Variants in MYO10 observed in about 807,000 individuals in gnomAD.
MYO10 encodes the protein myosin X.
Under a neutral mutation model 257.3 loss-of-function variants are expected in MYO10, and 133 were observed. That is an observed-to-expected ratio of 0.52 (90% CI 0.45 to 0.60). The LOEUF (loss-of-function observed/expected upper bound fraction) is 0.60, where lower values mean the gene tolerates loss of function less well. Among genes scored for constraint, MYO10 ranks in the 20% least tolerant of loss-of-function variants. MYO10 has a pLI of 0.00. For synonymous variants in MYO10, 1,104 were observed against 1,028.6 expected (o/e 1.07, Z -1.40); for missense variants, 2,399 against 2,635.7 (o/e 0.91, Z 1.97).
chr5:16,763,876 G>A (rs1226318075), intron 12 of MYO10, 121 bp from the exon 13 acceptor site: 4 of 708,188 alleles, frequency 5.6e-6, no homozygotes, highest in Non-Finnish European at 7.2e-6. Flanking sequence ...CTGGCACAGT[G>A]GCTCACACCT....
At chr5:16,752,439 C>T (rs950783270) in intron 19 of MYO10, among the ~76,000 whole-genome samples, 2 of 152,238 alleles carry the variant, frequency 1.3e-5, no homozygotes, top group South Asian at 2.1e-4. Flanking sequence ...TGTGCCACCA[C>T]GCCTGGCTAA....
intron 1 of MYO10, among the ~76,000 whole-genome samples, chr5:16,915,582 G>C (rs1032143033): frequency 3.3e-5 from 5 of 152,174 alleles, no homozygotes; most frequent in African/African-American, 1.2e-4. Context: ...GCCAATCAGA[G>C]GTCAAGTGGC....
chr5:16,665,228 A>G lies in MYO10; in HGVS notation c.*1464T>C, dbSNP rs1025668687. On this transcript the variant is annotated 3_prime_UTR_variant, in exon 41 of 41. Transcript: ENST00000513610. ...TAAAGAAAAAAAAAAAAAACCACCA[A>G]AAAGCCAAAACAAAAATAAGCCTCC... 6.6e-6 allele frequency: 1 copy of G among 151,608 alleles called. No homozygotes were observed. The highest frequency in any genetic ancestry group is 2.4e-5 in the African/African-American group (1 of 41,350). The allele number at this position is 151,608 out of a possible 1,614,324, so 9.4% of individuals were successfully genotyped here.
Position 16,766,261 on chromosome 5 carries a change from G to A in MYO10, c.1061-63C>T, listed in dbSNP as rs58427579. 1.5e-3 allele frequency: 1,909 copies of A among 1,262,812 alleles called. 31 individuals carry two copies. The African/African-American group carries it at 0.025, about 17-fold the overall frequency. The allele number at this position is 1,262,812 out of a possible 1,614,324, so 78.2% of individuals were successfully genotyped here. A position where few individuals can be genotyped will look rare whatever the true frequency, so the allele number is the denominator to read the frequency against. Reference sequence around the variant, plus strand: ...CCCCAAGAAGCTAACCAGGCTTAGCGATACCTTAACGCAGAGAACACACCT... The same window carrying A: ...CCCCAAGAAGCTAACCAGGCTTAGCAATACCTTAACGCAGAGAACACACCT... On this transcript the variant is annotated intron_variant, in intron 10 of 40. Transcript: ENST00000513610.
At chr5:16,832,119 G>T (rs974578459) in intron 2 of MYO10, among the ~76,000 whole-genome samples, 24 of 152,024 alleles carry the variant, frequency 1.6e-4, no homozygotes, top group African/African-American at 5.8e-4. Context: ...GCTAATTTTT[G>T]TGTAGAGACA....
chr5:16,820,164 T>A (rs1742755163), intron 2 of MYO10, among the ~76,000 whole-genome samples: 1 of 152,228 alleles, frequency 6.6e-6, no homozygotes, highest in African/African-American at 2.4e-5. Context: ...AGACCCTTCA[T>A]TTTAAGTCAT....
At chr5:16,788,022 G>A (rs1741641025) in intron 4 of MYO10, among the ~76,000 whole-genome samples, 1 of 152,120 alleles carries the variant, frequency 6.6e-6, no homozygotes, top group African/African-American at 2.4e-5. Context: ...TCGAACTTCT[G>A]ACCTCAGGTG....
intron 3 of MYO10, among the ~76,000 whole-genome samples, chr5:16,795,806 A>G (rs961362700): frequency 2.6e-5 from 4 of 152,054 alleles, no homozygotes; most frequent in African/African-American, 9.7e-5. Context: ...ATATGACTGA[A>G]TTGTACACTT....
At chr5:16,777,723 A>G (rs573380894) in intron 9 of MYO10, among the ~76,000 whole-genome samples, 1 of 151,078 alleles carries the variant, frequency 6.6e-6, no homozygotes, top group Admixed American at 6.6e-5. Flanking sequence ...GGTTGATGAG[A>G]GTGATTGGAA....
chr5:16,915,545 C>T (rs1344685681), intron 1 of MYO10, among the ~76,000 whole-genome samples: 1 of 152,236 alleles, frequency 6.6e-6, no homozygotes, highest in Non-Finnish European at 1.5e-5. Flanking sequence ...ACCCTCCTAG[C>T]TACCAGTACA....
At chr5:16,917,045 A>G (rs567054747) in intron 1 of MYO10, among the ~76,000 whole-genome samples, 3 of 152,334 alleles carry the variant, frequency 2.0e-5, no homozygotes, top group African/African-American at 7.2e-5. Context: ...GAGAAGGCCT[A>G]GAAATAAAAA....
intron 40 of MYO10, among the ~76,000 whole-genome samples, chr5:16,667,028 A>G (rs943207981): frequency 4.6e-5 from 7 of 152,216 alleles, no homozygotes; most frequent in African/African-American, 1.7e-4. Context: ...AAACGTGCCA[A>G]CTTGGCTTGA....
chr5:16,837,177 G>A (rs552452263), intron 2 of MYO10, among the ~76,000 whole-genome samples: 1 of 152,224 alleles, frequency 6.6e-6, no homozygotes, highest in Non-Finnish European at 1.5e-5. Flanking sequence ...GGGCGTGGTG[G>A]CAGAGGCCTG....
At chr5:16,840,760 G>C (rs1208891627) in intron 2 of MYO10, among the ~76,000 whole-genome samples, 1 of 152,034 alleles carries the variant, frequency 6.6e-6, no homozygotes, top group Non-Finnish European at 1.5e-5. Flanking sequence ...AAAATGACTA[G>C]TTCCTACTAA....
intron 18 of MYO10, 134 bp downstream of exon 18, chr5:16,757,984 G>T: frequency 2.8e-6 from 2 of 722,364 alleles, no homozygotes; most frequent in South Asian, 1.8e-5. Context: ...GCACTATCTG[G>T]TTTAAAAGCA....
At chr5:16,849,727 T>G (rs1298484083) in intron 2 of MYO10, among the ~76,000 whole-genome samples, 3 of 152,234 alleles carry the variant, frequency 2.0e-5, no homozygotes, top group Admixed American at 6.5e-5. Flanking sequence ...GAGATACTTG[T>G]TCGCAAAATA....
chr5:16,687,114 G>A lies in MYO10; in HGVS notation c.3897-1283C>T, dbSNP rs529894711. On this transcript the variant is annotated intron_variant, in intron 28 of 40. Coordinates refer to ENST00000513610, the MANE Select transcript of MYO10 (RefSeq NM_012334.3). Reference sequence around the variant, plus strand: ...AGGTGGGAGGATGGCTTGAGCCCAGGAATTTGAGACCAGCCTGGGAAATTT... The same window carrying A: ...AGGTGGGAGGATGGCTTGAGCCCAGAAATTTGAGACCAGCCTGGGAAATTT... Among the ~76,000 whole-genome samples, 11 of 151,684 alleles carry A rather than the reference G, an allele frequency of 7.3e-5. No individual in the cohort carries two copies. The East Asian group carries it at 2.2e-3, about 30-fold the overall frequency.
intron 1 of MYO10, among the ~76,000 whole-genome samples, chr5:16,928,167 C>A (rs558138400): frequency 7.9e-5 from 12 of 152,128 alleles, no homozygotes; most frequent in Non-Finnish European, 1.6e-4. Flanking sequence ...CTCAAATCAT[C>A]TTGTTTTCTA....
At chr5:16,673,534 G>A (rs1579794417) in intron 36 of MYO10, 148 bp downstream of exon 36, 2 of 722,180 alleles carry the variant, frequency 2.8e-6, no homozygotes, top group East Asian at 5.4e-5. Flanking sequence ...TTGCTTCTGG[G>A]TTACATGCAT....
Sources: gnomAD v4.1 joint callset for allele counts (sites outside exome capture counted in the v4.1 genomes callset) on GRCh38, gnomAD v4.1.1 for gene constraint, MANE v1.5 for transcripts, NCBI Gene and HGNC (gene_info 2026-07-23, HGNC 2026-07-21) for gene names.